ABCB1: variants seen among roughly 807,000 people sequenced by gnomAD.
ABCB1 encodes ATP binding cassette subfamily B member 1.
In ABCB1, 69 loss-of-function variants were observed where a neutral mutation model predicts 142.0. That is an observed-to-expected ratio of 0.49 (90% confidence interval 0.40 to 0.59). ABCB1 has a LOEUF of 0.59. Ranked by LOEUF, ABCB1 falls within the 20% of genes least tolerant of loss-of-function variation. The pLI is 0.00. For missense variants in ABCB1, 1,326 were observed against 1,554.7 expected (o/e 0.85, Z 2.47); for synonymous variants, 532 against 539.2 (o/e 0.99, Z 0.18).
chr7:87,544,053 C>G, intron 17 of ABCB1, 76 bp downstream of exon 17: 1 of 1,563,988 alleles, frequency 6.4e-7, no homozygotes, highest in Non-Finnish European at 8.8e-7. Flanking sequence ...TATCCCAGTT[C>G]AGACACAAGC....
At chr7:87,696,057 G>C (rs1423025764) in intron 1 of ABCB1, among the ~76,000 whole-genome samples, 1 of 152,134 alleles carries the variant, frequency 6.6e-6, no homozygotes, top group Admixed American at 6.5e-5. Context: ...GAGTTGGATT[G>C]ATGGGATGGG....
At chr7:87,556,514 GAGA>G (rs1817316890) in intron 8 of ABCB1, among the ~76,000 whole-genome samples, 1 of 152,176 alleles carries the variant, frequency 6.6e-6, no homozygotes, top group Admixed American at 6.5e-5. Context: ...AGAAGGGAAG[GAGA>G]AGAACAGGAA....
Position 87,550,295 on chromosome 7 carries a change from A to T in ABCB1, c.1226T>A (p.Ile409Asn), listed in dbSNP as rs1419793187. 6.2e-7 allele frequency: 1 copy of T among 1,614,134 alleles called. No homozygotes were observed. Among genetic ancestry groups the T allele is most frequent in the Non-Finnish European group, 8.5e-7 (1 of 1,180,022 alleles). Residue 409 changes from isoleucine (I) to asparagine (N), a missense_variant and splice_region_variant, in exon 12 of 28, where the codon ATC becomes AAC. By Grantham distance (149) the Ile-to-Asn change is moderately radical. Transcript: ENST00000622132. ...CACCTTCAGGTTCAGACCCTTCAAGATCTACCAGGACGAGTGAGAAAAAAA... is the reference window on the plus strand; with the variant it reads ...CACCTTCAGGTTCAGACCCTTCAAGTTCTACCAGGACGAGTGAGAAAAAAA... Reference protein sequence around the residue: ...FSYPSRKEVKILKGLNLKVQS... With the variant: ...FSYPSRKEVKNLKGLNLKVQS...
At chr7:87,692,530 A>T (rs998358712) in intron 1 of ABCB1, among the ~76,000 whole-genome samples, 1 of 152,140 alleles carries the variant, frequency 6.6e-6, no homozygotes, top group Non-Finnish European at 1.5e-5. Context: ...CACCTTATAT[A>T]AGGGGTTGGT....
rs568441114 is a variant in ABCB1 at position 87,709,175 on chromosome 7, T to C, written c.-331+3986A>G. The C allele has an allele frequency of 2.5e-5, 21 of 841,898 alleles. No individual in the cohort carries two copies. In the African/African-American group the frequency reaches 3.3e-4, roughly 13 times the overall value. 52.2% of individuals were successfully genotyped at this position (841,898 alleles called of 1,614,324 possible). A position where few individuals can be genotyped will look rare whatever the true frequency, so the allele number is the denominator to read the frequency against. ...CAGGAAACTAAATGCAGCCCAGTTT[T>C]GTATGGATTGAAATTAATAAATCAG... On this transcript the variant is annotated intron_variant, in intron 1 of 28. Transcript: ENST00000265724.
intron 2 of ABCB1, among the ~76,000 whole-genome samples, 183 bp downstream of exon 2, chr7:87,599,934 C>T (rs985040551): frequency 6.5e-4 from 99 of 152,142 alleles, no homozygotes; most frequent in Non-Finnish European, 2.9e-5. Context: ...AATGCATATG[C>T]TGTGCTCCAC....
intron 4 of ABCB1, among the ~76,000 whole-genome samples, chr7:87,584,344 A>G (rs1009498294): frequency 6.6e-6 from 1 of 152,216 alleles, no homozygotes; most frequent in Non-Finnish European, 1.5e-5. Flanking sequence ...AAAGTTCAAA[A>G]GTTGAAAGGT....
Position 87,606,127 on chromosome 7 carries a change from A to AG in ABCB1, c.-330-5050dup, listed in dbSNP as rs1392735377. Among the ~76,000 whole-genome samples, 17 of 152,202 alleles carry AG rather than the reference A, an allele frequency of 1.1e-4. No individual in the cohort carries two copies. In the South Asian group the frequency reaches 1.9e-3, roughly 17 times the overall value. On this transcript the variant is annotated intron_variant, in intron 1 of 28. Transcript: ENST00000265724. Reference sequence around the variant, plus strand: ...TATAAAGAGCTTATATAAATGGATAAGAAAAAATTCAAAGGTCTAATAGAA... The same window carrying AG: ...TATAAAGAGCTTATATAAATGGATAAGGAAAAAATTCAAAGGTCTAATAGAA...
At chr7:87,590,288 T>C (rs558322036) in intron 3 of ABCB1, among the ~76,000 whole-genome samples, 70 of 152,308 alleles carry the variant, frequency 4.6e-4, no homozygotes, top group African/African-American at 1.6e-3. Flanking sequence ...TTTAAGTTGC[T>C]ATGAAAGTTC....
At chr7:87,536,970 G>GGA (rs1172880354) in intron 19 of ABCB1, 1 of 222,052 alleles carries the variant, frequency 4.5e-6, no homozygotes, top group East Asian at 1.1e-4. Context: ...CCTGAATGAA[G>GGA]GAAAGGATGA....
At chr7:87,700,694 C>T (rs982705773) in intron 1 of ABCB1, 7 of 733,550 alleles carry the variant, frequency 9.5e-6, no homozygotes, top group Admixed American at 3.0e-5. Context: ...TGTGATGTTT[C>T]TACATTTCTT....
chr7:87,627,345 T>C (rs867910083), intron 1 of ABCB1, among the ~76,000 whole-genome samples: 2 of 152,046 alleles, frequency 1.3e-5, no homozygotes, highest in Non-Finnish European at 2.9e-5. Context: ...ACTTCAAAAG[T>C]AGAGGTGAAA....
rs1389973497 is a variant in ABCB1 at position 87,626,210 on chromosome 7, TG to T, written c.-330-25133del. Among the ~76,000 whole-genome samples, 4 of 118,262 alleles carry T rather than the reference TG, an allele frequency of 3.4e-5. No homozygotes were observed. In the Admixed American group the frequency reaches 3.5e-4, roughly 10 times the overall value. 77.6% of individuals were successfully genotyped at this position (118,262 alleles called of 152,430 possible). A position where few individuals can be genotyped will look rare whatever the true frequency, so the allele number is the denominator to read the frequency against. ...ATGTGTCATATATATGTCATATATA[TG>T]TGTCATATATATGTCATATATATGT... On this transcript the variant is annotated intron_variant, in intron 1 of 28. Transcript: ENST00000265724.
intron 19 of ABCB1, 84 bp from the exon 20 acceptor site, chr7:87,536,625 G>A: frequency 8.3e-7 from 1 of 1,203,528 alleles, no homozygotes; most frequent in Non-Finnish European, 1.2e-6. Context: ...GGTCAGTTTT[G>A]TTTATACTTA....
intron 1 of ABCB1, among the ~76,000 whole-genome samples, chr7:87,692,961 T>G (rs750861791): frequency 3.3e-5 from 5 of 152,146 alleles, no homozygotes; most frequent in Non-Finnish European, 7.4e-5. Flanking sequence ...CACAGCTGTA[T>G]GTATCTCCTT....
At chr7:87,696,882 C>G (rs938783128) in intron 1 of ABCB1, among the ~76,000 whole-genome samples, 3 of 152,090 alleles carry the variant, frequency 2.0e-5, no homozygotes, top group African/African-American at 7.2e-5. Context: ...TGTGCCCTAC[C>G]TATAGCAGGA....
intron 1 of ABCB1, among the ~76,000 whole-genome samples, chr7:87,624,416 C>T (rs1249200282): frequency 6.6e-6 from 1 of 152,122 alleles, no homozygotes; most frequent in Non-Finnish European, 1.5e-5. Flanking sequence ...TTTATATATA[C>T]ATTTTATAGT....
At chr7:87,676,174 C>G (rs1826335462) in intron 1 of ABCB1, among the ~76,000 whole-genome samples, 1 of 152,114 alleles carries the variant, frequency 6.6e-6, no homozygotes, top group African/African-American at 2.4e-5. Flanking sequence ...CTTCAGTGAG[C>G]TATCACCTCA....
intron 1 of ABCB1, among the ~76,000 whole-genome samples, chr7:87,608,126 T>C (rs934998337): frequency 3.3e-5 from 5 of 152,222 alleles, no homozygotes; most frequent in African/African-American, 7.2e-5. Context: ...TACTGATAAA[T>C]TTAAGTTTTA....
Sources: allele counts gnomAD v4.1 joint callset (sites outside exome capture counted in the v4.1 genomes callset), GRCh38; gene constraint gnomAD v4.1.1; transcripts MANE v1.5; gene names NCBI Gene and HGNC (gene_info 2026-07-23, HGNC 2026-07-21).